CORO6: variants seen among roughly 807,000 people sequenced by gnomAD.
CORO6 encodes coronin-6.
CORO6 carries 43 observed loss-of-function variants against 49.0 expected under a neutral mutation model. That is an observed-to-expected ratio of 0.88 (90% CI 0.69 to 1.13). CORO6 has a LOEUF of 1.13. Among genes scored for constraint, CORO6 ranks in the 50% most tolerant of loss-of-function variants. The probability of loss-of-function intolerance (pLI) is 0.00; values close to 1 mark genes in which losing one functional copy is unlikely to be tolerated. For synonymous variants in CORO6, 233 were observed against 256.5 expected (o/e 0.91, Z 0.88); for missense variants, 650 against 647.0 (o/e 1.00, Z -0.05).
At position 29,619,781 on chromosome 17, in the gene CORO6, G is replaced by A. The variant is rs1158472947; in HGVS notation, c.199-8C>T. 6.2e-7 allele frequency: 1 copy of A among 1,603,318 alleles called. No homozygotes were observed. The highest frequency in any genetic ancestry group is 1.1e-5 in the South Asian group (1 of 90,868). ...CTTATCCACTCGCCCTGTCTGAGGG[G>A]TTGGAGAAGAAGATGTGGGGCTACT... On this transcript the variant is annotated splice_polypyrimidine_tract_variant and splice_region_variant and intron_variant, in intron 2 of 10. Transcript: ENST00000388767.
rs1459823741 is a variant in CORO6, at chr17:29,621,427, C to T, written c.-6G>A. On this transcript the variant is annotated 5_prime_UTR_variant, in exon 2 of 11. Transcript: ENST00000388767. The surrounding 1 kb of genome is among the most constrained non-coding windows in gnomAD (Gnocchi z 4.2). Reference sequence around the variant, plus strand: ...CGAACCACACGTCTGCTCATAGCTGCAGGCAGAGAGGTAGGATCTCAGTGC... The same window carrying T: ...CGAACCACACGTCTGCTCATAGCTGTAGGCAGAGAGGTAGGATCTCAGTGC... The T allele has an allele frequency of 3.1e-6, 5 of 1,600,412 alleles. No homozygotes were observed. The highest frequency in any genetic ancestry group is 4.3e-6 in the Non-Finnish European group (5 of 1,172,926).
chr17:29,615,351 C>T lies in CORO6; in HGVS notation c.*381G>A, dbSNP rs2034802310. ...AGCCTGGGGGTACCCATCAAATCGC[C>T]ACCCGTTTGAGGTCAAGCTCAGGCT... On this transcript the variant is annotated 3_prime_UTR_variant, in exon 11 of 11. Transcript: ENST00000388767. The T allele has an allele frequency of 5.4e-6, 1 of 184,430 alleles. No individual in the cohort carries two copies. The highest frequency in any genetic ancestry group is 1.7e-4 in the South Asian group (1 of 5,918). 11.4% of individuals were successfully genotyped at this position (184,430 alleles called of 1,614,324 possible). A position where few individuals can be genotyped will look rare whatever the true frequency, so the allele number is the denominator to read the frequency against.
In CORO6 at chr17:29,621,079, TG is replaced by T; in HGVS notation, c.198+144del. 1 of 1,128,388 alleles carries T rather than the reference TG, an allele frequency of 8.9e-7. No individual in the cohort carries two copies. The highest frequency in any genetic ancestry group is 1.2e-6 in the Non-Finnish European group (1 of 802,134). 69.9% of individuals were successfully genotyped at this position (1,128,388 alleles called of 1,614,324 possible). ...GTGGGGTGGCCTCCCCTCTGGTCCT[TG>T]AGGGCTTGGGGAATAGGGAGGAGCC... On this transcript the variant is annotated intron_variant, in intron 2 of 10. Transcript: ENST00000388767. This position sits in a 1 kb window ranked among gnomAD's most constrained non-coding sequence, Gnocchi z 4.2.
chr17:29,619,844 C>T, intron 2 of CORO6, 71 bp from the exon 3 acceptor site: 1 of 1,407,624 alleles, frequency 7.1e-7, no homozygotes, highest in Non-Finnish European at 1.0e-6. Flanking sequence ...AGCAGATCTG[C>T]TTACATCTCG....
chr17:29,621,735 G>A lies in CORO6; in HGVS notation c.-63-251C>T. On this transcript the variant is annotated intron_variant, in intron 1 of 10. Transcript: ENST00000388767. The surrounding 1 kb of genome is among the most constrained non-coding windows in gnomAD (Gnocchi z 4.2). The stretch of plus-strand genomic sequence containing the variant: ...CTAACAGACTGAAAGCTTTCTGGAC[G>A]TTGGAATGTTTTTGGGAGGAGCCTC... 2.7e-6 allele frequency: 1 copy of A among 364,968 alleles called. No individual in the cohort carries two copies. 22.6% of individuals were successfully genotyped at this position (364,968 alleles called of 1,614,324 possible).
In CORO6 at chr17:29,621,717, A is replaced by G. The variant is rs921926018; in HGVS notation, c.-63-233T>C. Reference sequence around the variant, plus strand: ...CTGAGGGGATTGTGGAGCCTAACAGACTGAAAGCTTTCTGGACGTTGGAAT... The same window carrying G: ...CTGAGGGGATTGTGGAGCCTAACAGGCTGAAAGCTTTCTGGACGTTGGAAT... On this transcript the variant is annotated intron_variant, in intron 1 of 10. Transcript: ENST00000388767. This position sits in a 1 kb window ranked among gnomAD's most constrained non-coding sequence, Gnocchi z 4.2. 8.3e-5 allele frequency: 35 copies of G among 421,348 alleles called. No individual in the cohort carries two copies. The highest frequency in any genetic ancestry group is 6.8e-4 in the African/African-American group (34 of 50,028). 26.1% of individuals were successfully genotyped at this position (421,348 alleles called of 1,614,324 possible).
At chr17:29,620,174 C>A (rs939826517) in intron 2 of CORO6, among the ~76,000 whole-genome samples, 2 of 152,218 alleles carry the variant, frequency 1.3e-5, no homozygotes, top group Non-Finnish European at 2.9e-5. Context: ...CTGGACAGCC[C>A]TTTCCTGGCC....
intron 2 of CORO6, 21 bp from the exon 3 acceptor site, chr17:29,619,794 A>G: frequency 6.3e-7 from 1 of 1,599,520 alleles, no homozygotes; most frequent in Non-Finnish European, 8.6e-7. Flanking sequence ...GGAGAAGAAG[A>G]TGTGGGGCTA....
In CORO6 at chr17:29,615,877, G is replaced by A. The variant is rs1045525844; in HGVS notation, c.1294-20C>T. 6.2e-6 allele frequency: 10 copies of A among 1,600,216 alleles called. No homozygotes were observed. The highest frequency in any genetic ancestry group is 8.5e-6 in the Non-Finnish European group (10 of 1,174,074). On this transcript the variant is annotated intron_variant, in intron 10 of 10. Coordinates refer to ENST00000388767, the MANE Select transcript of CORO6 (RefSeq NM_032854.4). ...CTGCTGCTGGGGCGGAGGACAGAGA[G>A]GCCGTGTCGTATAGGGGCGGTTGGG...
At position 29,618,849 on chromosome 17, in the gene CORO6, T is replaced by G; in HGVS notation, c.574A>C (p.Thr192Pro). Residue 192 changes from threonine (T) to proline (P), a missense_variant, in exon 5 of 11, where the codon ACC becomes CCC. Thr to Pro is a conservative substitution (Grantham distance 38). Transcript: ENST00000388767. The part of the protein sequence containing the change: ...CWNSNGSLLA[T>P]TCKDKTLRII... ...CGCAAGGTCTTGTCCTTGCAGGTGGTGGCTAGCAGGCTACCGTTGCTGTTC... is the reference window on the plus strand; with the variant it reads ...CGCAAGGTCTTGTCCTTGCAGGTGGGGGCTAGCAGGCTACCGTTGCTGTTC... 6.2e-7 allele frequency: 1 copy of G among 1,613,980 alleles called. No homozygotes were observed. The highest frequency in any genetic ancestry group is 1.1e-5 in the South Asian group (1 of 91,076).
intron 2 of CORO6, among the ~76,000 whole-genome samples, chr17:29,620,698 T>C (rs964877593): frequency 1.4e-4 from 22 of 152,238 alleles, no homozygotes; most frequent in South Asian, 6.2e-4. Flanking sequence ...GCTCTGGCTT[T>C]ATGTGTCATG....
chr17:29,617,530 C>A lies in CORO6; in HGVS notation c.723G>T (p.Met241Ile). 1 of 1,611,230 alleles carries A rather than the reference C, an allele frequency of 6.2e-7. No individual in the cohort carries two copies. The change falls in exon 6 of 11, where the codon ATG (methionine) becomes ATT (isoleucine). Residue 241 changes from methionine to isoleucine, a missense_variant. Met to Ile is a conservative substitution (Grantham distance 10). Coordinates refer to ENST00000388767, the MANE Select transcript of CORO6 (RefSeq NM_032854.4). ...CCCACAGGCCCAGCTCTCGCTGGCT[C>A]ATGCGGGTGAAGCCCGTGGTGAAGA... ...GHIFTTGFTR[M>I]SQRELGLWDP...
chr17:29,618,955 G>A lies in CORO6; in HGVS notation c.468C>T (p.Ile156=), dbSNP rs770835337. Residue 156 remains isoleucine, a synonymous_variant, in exon 5 of 11, where the codon ATC becomes ATT. Transcript: ENST00000388767. ...VLLSAGGDNV[I]IIWNVGTGEV... ...CCCCGGTGCCCACATTCCAGATGAT[G>A]ATCACATTGTCACCACCTGCCCAGA... 1.9e-5 allele frequency: 30 copies of A among 1,613,770 alleles called. No individual in the cohort carries two copies. The East Asian group carries it at 6.5e-4, about 35-fold the overall frequency.
At position 29,616,226 on chromosome 17, in the gene CORO6, CT is replaced by C; in HGVS notation, c.1062+52del. On this transcript the variant is annotated intron_variant, in intron 9 of 10. Coordinates refer to ENST00000388767, the MANE Select transcript of CORO6 (RefSeq NM_032854.4). This position sits in a 1 kb window ranked among gnomAD's most constrained non-coding sequence, Gnocchi z 5.6. ...CTTGCGTGAGAGGGTGCGGGGCTTG[CT>C]CCGCTCCCTTCCGCCTCGTAGCCCT... 6.2e-7 allele frequency: 1 copy of C among 1,610,522 alleles called. No individual in the cohort carries two copies. The highest frequency in any genetic ancestry group is 1.3e-5 in the African/African-American group (1 of 75,014).
chr17:29,618,049 G>C, intron 5 of CORO6: 2 of 1,498,028 alleles, frequency 1.3e-6, no homozygotes, highest in South Asian at 2.5e-5. Context: ...CTGGCCTACC[G>C]GGTCCCAGAG....
At chr17:29,619,253 CCCTA>C in intron 3 of CORO6, 64 bp from the exon 4 acceptor site, 4 of 1,581,062 alleles carry the variant, frequency 2.5e-6, no homozygotes, top group Admixed American at 1.9e-5. Context: ...TCCACTCCTT[CCCTA>C]CCTTTTTTTT....
chr17:29,616,133 G>T lies in CORO6; in HGVS notation c.1105C>A (p.Pro369Thr). Reference sequence around the variant, plus strand: ...TCGTCCGCTTCTAGGGCCGGCTCCGGGCCTGGCGTATCCGGGTACAGATCG... The same window carrying T: ...TCGTCCGCTTCTAGGGCCGGCTCCGTGCCTGGCGTATCCGGGTACAGATCG... ...QDDLYPDTPGPEPALEADEWL... is the reference protein window; with the variant it reads ...QDDLYPDTPGTEPALEADEWL... Residue 369 changes from proline (P) to threonine (T), a missense_variant, in exon 10 of 11, where the codon CCG becomes ACG. By Grantham distance (38) the Pro-to-Thr change is conservative (BLOSUM62 -1). Transcript: ENST00000388767. This position sits in a 1 kb window ranked among gnomAD's most constrained non-coding sequence, Gnocchi z 5.6. The T allele has an allele frequency of 6.2e-7, 1 of 1,613,498 alleles. No homozygotes were observed.
rs1184619655 is a variant in CORO6 at position 29,618,864 on chromosome 17, C to A, written c.559G>T (p.Gly187Cys). 1.2e-6 allele frequency: 2 copies of A among 1,613,910 alleles called. No homozygotes were observed. Among genetic ancestry groups the A allele is most frequent in the African/African-American group, 1.3e-5 (1 of 74,876 alleles). ...TTGCAGGTGGTGGCTAGCAGGCTACCGTTGCTGTTCCAGCACACACTGTGG... is the reference window on the plus strand; with the variant it reads ...TTGCAGGTGGTGGCTAGCAGGCTACAGTTGCTGTTCCAGCACACACTGTGG... The part of the protein sequence containing the change: ...VIHSVCWNSN[G>C]SLLATTCKDK... Residue 187 changes from glycine to cysteine, a missense_variant, in exon 5 of 11, where the codon GGT (glycine) becomes TGT (cysteine). Coordinates refer to ENST00000388767, the MANE Select transcript of CORO6 (RefSeq NM_032854.4).
chr17:29,617,855 C>T lies in CORO6; in HGVS notation c.634-236G>A, dbSNP rs371328329. On this transcript the variant is annotated intron_variant, in intron 5 of 10. Coordinates refer to ENST00000388767, the MANE Select transcript of CORO6 (RefSeq NM_032854.4). ...ACGCGGCTCTCAGCCGATCCCGAAC[C>T]CTTAAGCGCGCTCAAAGGCCGATCC... 39 of 679,182 alleles carry T rather than the reference C, an allele frequency of 5.7e-5. No individual in the cohort carries two copies. The East Asian group carries it at 6.0e-4, about 10-fold the overall frequency. 42.1% of individuals were successfully genotyped at this position (679,182 alleles called of 1,614,324 possible). A position where few individuals can be genotyped will look rare whatever the true frequency, so the allele number is the denominator to read the frequency against.
Sources: gnomAD v4.1 joint callset for allele counts (sites outside exome capture counted in the v4.1 genomes callset) on GRCh38, gnomAD v4.1.1 for gene constraint, Gnocchi (gnomAD v3.1) non-coding constraint, MANE v1.5 for transcripts, NCBI Gene and HGNC (gene_info 2026-07-23, HGNC 2026-07-21) for gene names.